PCNX1: variants seen among roughly 807,000 people sequenced by gnomAD.
PCNX1 encodes pecanex 1.
Under a neutral mutation model 242.2 loss-of-function variants are expected in PCNX1, and 78 were observed. The ratio of observed to expected loss-of-function variants is 0.32; its 90% CI spans 0.27 to 0.39. The LOEUF is 0.39. Ranked by LOEUF, PCNX1 falls within the 10% of genes least tolerant of loss-of-function variation. The pLI, the probability that PCNX1 is intolerant of heterozygous loss-of-function variation, is 1.00. For missense variants in PCNX1, 2,581 were observed against 2,856.5 expected, an observed-to-expected ratio of 0.90 and a Z score of 2.20; for synonymous variants, 1,024 against 1,032.9, an observed-to-expected ratio of 0.99 and a Z score of 0.17.
At chr14:71,041,221 C>T (rs1206579998) in intron 19 of PCNX1, among the ~76,000 whole-genome samples, 1 of 152,022 alleles carries the variant, frequency 6.6e-6, no homozygotes, top group African/African-American at 2.4e-5. Context: ...AATATGGTAA[C>T]TCTATTTTTA....
At chr14:71,091,878 A>G (rs1227775549) in intron 30 of PCNX1, among the ~76,000 whole-genome samples, 2 of 152,218 alleles carry the variant, frequency 1.3e-5, no homozygotes, top group Non-Finnish European at 2.9e-5. Context: ...AGTATGCTTA[A>G]AACGCCGTGT....
At chr14:71,025,932 A>ATC (rs1332287601) in intron 13 of PCNX1, among the ~76,000 whole-genome samples, 185 bp from the exon 14 acceptor site, 1 of 152,176 alleles carries the variant, frequency 6.6e-6, no homozygotes, top group Non-Finnish European at 1.5e-5. Context: ...TCAGTCCAGT[A>ATC]TCTCAGAGTT....
At chr14:71,107,894 A>T (rs751242370) in intron 33 of PCNX1, among the ~76,000 whole-genome samples, 1 of 152,252 alleles carries the variant, frequency 6.6e-6, no homozygotes, top group Non-Finnish European at 1.5e-5. Context: ...TGATATGTGA[A>T]TATATTGTGA....
intron 11 of PCNX1, among the ~76,000 whole-genome samples, 198 bp downstream of exon 11, chr14:71,013,400 A>G (rs944517577): frequency 1.3e-5 from 2 of 152,204 alleles, no homozygotes; most frequent in Non-Finnish European, 2.9e-5. Flanking sequence ...TTTGGTTGCA[A>G]CTTCAATATC....
At chr14:70,926,037 CT>C (rs1386324002) in intron 1 of PCNX1, among the ~76,000 whole-genome samples, 1 of 152,118 alleles carries the variant, frequency 6.6e-6, no homozygotes, top group Non-Finnish European at 1.5e-5. Flanking sequence ...CAGAGCTGTC[CT>C]TCCCATCTCC....
At chr14:70,926,190 T>C (rs1040067208) in intron 1 of PCNX1, among the ~76,000 whole-genome samples, 3 of 152,216 alleles carry the variant, frequency 2.0e-5, no homozygotes, top group African/African-American at 7.2e-5. Context: ...TTTGTGTCAC[T>C]GGTCATTTGG....
chr14:70,982,864 A>G (rs1386249735), intron 6 of PCNX1, among the ~76,000 whole-genome samples: 1 of 152,240 alleles, frequency 6.6e-6, no homozygotes, highest in African/African-American at 2.4e-5. Flanking sequence ...CTGGCAGGCC[A>G]TTAAATCTGT....
chr14:71,057,630 C>G lies in PCNX1; in HGVS notation c.4758C>G (p.Phe1586Leu). 6.2e-7 allele frequency: 1 copy of G among 1,613,306 alleles called. No individual in the cohort carries two copies. The highest frequency in any genetic ancestry group is 8.5e-7 in the Non-Finnish European group (1 of 1,179,244). ...RWGNYSTGDC[F>L]ILASDYLNAL... is the part of the protein sequence containing the mutation. ...GAAACTACAGTACAGGGGACTGTTT[C>G]ATCCTTGCCTCTGACTATCTCAATG... The change falls in exon 26 of 36, where the codon TTC becomes TTG. Residue 1586 changes from phenylalanine (F) to leucine (L), a missense_variant. Coordinates refer to ENST00000304743, the MANE Select transcript of PCNX1 (RefSeq NM_014982.3).
intron 27 of PCNX1, 34 bp downstream of exon 27, chr14:71,073,832 A>G: frequency 6.7e-7 from 1 of 1,496,984 alleles, no homozygotes; most frequent in African/African-American, 1.4e-5. Context: ...TCTTTAGATA[A>G]TCAGAGTTTC....
At chr14:71,109,282 T>TA (rs1368246350) in intron 34 of PCNX1, among the ~76,000 whole-genome samples, 170 bp from the exon 35 acceptor site, 1 of 152,226 alleles carries the variant, frequency 6.6e-6, no homozygotes, top group African/African-American at 2.4e-5. Flanking sequence ...CAGTGAGGTC[T>TA]ACCAGAGGGC....
intron 26 of PCNX1, among the ~76,000 whole-genome samples, chr14:71,065,353 A>G (rs964963878): frequency 2.6e-5 from 4 of 152,252 alleles, no homozygotes; most frequent in Non-Finnish European, 4.4e-5. Context: ...TTTGATTTGC[A>G]TTTCTCTAAT....
At chr14:70,912,838 C>T (rs1423123233) in intron 1 of PCNX1, among the ~76,000 whole-genome samples, 1 of 152,150 alleles carries the variant, frequency 6.6e-6, no homozygotes, top group South Asian at 2.1e-4. Context: ...GTTACTTTAG[C>T]CCACTGAGCC....
chr14:70,928,787 A>G (rs1234682167), intron 1 of PCNX1, among the ~76,000 whole-genome samples: 1 of 152,204 alleles, frequency 6.6e-6, no homozygotes. Context: ...CTGGGAGACA[A>G]ATCTGTACCA....
intron 17 of PCNX1, 79 bp downstream of exon 17, chr14:71,033,617 T>C (rs2060452001): frequency 1.0e-5 from 8 of 767,216 alleles, no homozygotes; most frequent in Non-Finnish European, 1.6e-5. Context: ...TGAAGATCTC[T>C]TTTTCCCAAT....
chr14:70,955,418 T>C (rs1455678227), intron 2 of PCNX1, among the ~76,000 whole-genome samples: 1 of 152,224 alleles, frequency 6.6e-6, no homozygotes, highest in Non-Finnish European at 1.5e-5. Flanking sequence ...ACAAACTTGG[T>C]ATTGTAATGG....
intron 2 of PCNX1, among the ~76,000 whole-genome samples, chr14:70,949,752 A>G (rs571155775): frequency 4.6e-5 from 7 of 152,136 alleles, no homozygotes; most frequent in African/African-American, 1.4e-4. Flanking sequence ...CCCACTTTCC[A>G]CTTTACCTAT....
chr14:71,026,077 A>G, intron 13 of PCNX1, 40 bp from the exon 14 acceptor site: 1 of 1,392,202 alleles, frequency 7.2e-7, no homozygotes, highest in Non-Finnish European at 9.8e-7. Context: ...TGTGACTCTT[A>G]AAATTAACCA....
At chr14:71,024,591 A>T (rs1332788127) in intron 13 of PCNX1, among the ~76,000 whole-genome samples, 1 of 152,206 alleles carries the variant, frequency 6.6e-6, no homozygotes, top group African/African-American at 2.4e-5. Context: ...AAGTAGGAAT[A>T]CTGCAAAAGT....
intron 23 of PCNX1, 44 bp downstream of exon 23, chr14:71,050,804 C>G (rs756364479): frequency 5.8e-6 from 9 of 1,557,676 alleles, no homozygotes; most frequent in Non-Finnish European, 7.9e-6. Flanking sequence ...CAGTCATATC[C>G]TAGATAAGAA....
Sources: gnomAD v4.1 joint callset for allele counts (sites outside exome capture counted in the v4.1 genomes callset) on GRCh38, gnomAD v4.1.1 for gene constraint, MANE v1.5 for transcripts, NCBI Gene and HGNC (gene_info 2026-07-23, HGNC 2026-07-21) for gene names.